The following CRYBA4 variants were observed in gnomAD, a reference collection of about 807,000 sequenced individuals.
CRYBA4 encodes the protein crystallin beta A4.
In CRYBA4, 30 loss-of-function variants were observed where a neutral mutation model predicts 31.7. That is an observed-to-expected ratio of 0.95 (90% CI 0.71 to 1.28). The LOEUF (loss-of-function observed/expected upper bound fraction) is 1.28, where lower values mean the gene tolerates loss of function less well. Among genes scored for constraint, CRYBA4 ranks in the 50% most tolerant of loss-of-function variants. CRYBA4 has a pLI of 0.00. For missense variants in CRYBA4, 225 were observed against 260.7 expected (o/e 0.86, Z 0.94); for synonymous variants, 102 against 102.3 (o/e 1.00, Z 0.02).
At chr22:26,599,639 A>G in the CRYBA4 span, 1 of 1,614,140 alleles carries the variant, frequency 6.2e-7, no homozygotes, top group Non-Finnish European at 8.5e-7. Context: ...AGGTACTGGT[A>G]CCCGCGGTAG....
chr22:26,598,008 A>C, the CRYBA4 span, among the ~76,000 whole-genome samples: 1 of 151,672 alleles, frequency 6.6e-6, no homozygotes, highest in Non-Finnish European at 1.5e-5. Flanking sequence ...TCAGCCTCCC[A>C]AGTAGCTGGG....
chr22:26,590,891 T>G, the CRYBA4 span, among the ~76,000 whole-genome samples: 3 of 152,212 alleles, frequency 2.0e-5, no homozygotes, highest in Non-Finnish European at 4.4e-5. Context: ...TCTATAACCT[T>G]TCAGTGCTTC....
intron 2 of CRYBA4, 28 bp from the exon 3 acceptor site, chr22:26,623,206 T>A (rs1929590699): frequency 6.3e-7 from 1 of 1,581,858 alleles, no homozygotes; most frequent in Non-Finnish European, 8.7e-7. Context: ...CTGATGCGGA[T>A]CTCCACCTTT....
chr22:26,627,628 C>T (rs1929790848), intron 4 of CRYBA4, among the ~76,000 whole-genome samples: 1 of 134,064 alleles, frequency 7.5e-6, no homozygotes, highest in Admixed American at 7.7e-5. Flanking sequence ...CTCCTTCCTT[C>T]CTTCCTTCTC....
At chr22:26,604,929 C>A in the CRYBA4 span, among the ~76,000 whole-genome samples, 1 of 152,148 alleles carries the variant, frequency 6.6e-6, no homozygotes, top group Non-Finnish European at 1.5e-5. Context: ...CCTACAAGAC[C>A]CTGGTCTCCA....
chr22:26,600,499 T>C, the CRYBA4 span, among the ~76,000 whole-genome samples: 1 of 152,228 alleles, frequency 6.6e-6, no homozygotes, highest in African/African-American at 2.4e-5. Flanking sequence ...GTTCAAATCC[T>C]AGCTCTGCCA....
At chr22:26,599,418 G>T in the CRYBA4 span, 2 of 1,506,732 alleles carry the variant, frequency 1.3e-6, no homozygotes, top group Non-Finnish European at 1.8e-6. Context: ...AATTTTATTT[G>T]CCTGGGAAAA....
At chr22:26,616,344 A>G in the CRYBA4 span, 2 of 1,606,096 alleles carry the variant, frequency 1.2e-6, no homozygotes, top group Non-Finnish European at 8.5e-7. Flanking sequence ...AAAGTCTGTA[A>G]AGAAACTCTG....
the CRYBA4 span, among the ~76,000 whole-genome samples, chr22:26,595,593 A>G: frequency 6.6e-6 from 1 of 152,096 alleles, no homozygotes; most frequent in Non-Finnish European, 1.5e-5. Context: ...AAAAAAAAAA[A>G]AAATGCCTGT....
chr22:26,622,651 G>A lies in CRYBA4; in HGVS notation c.39+16G>A, dbSNP rs367795562. 6.2e-7 allele frequency: 1 copy of A among 1,601,596 alleles called. No homozygotes were observed. The highest frequency in any genetic ancestry group is 8.6e-7 in the Non-Finnish European group (1 of 1,168,714). On this transcript the variant is annotated intron_variant, in intron 2 of 5. Coordinates refer to ENST00000354760, the MANE Select transcript of CRYBA4 (RefSeq NM_001886.3). ...ACCCTGGAAGGTAGGAAGAGGCATG[G>A]GGAGGGGGTGTTCAGGGGGTATGGG...
At chr22:26,618,026 A>G (rs1357213421), upstream of CRYBA4, 1 of 153,234 alleles carries the variant, frequency 6.5e-6, no homozygotes, top group Non-Finnish European at 1.5e-5. Context: ...GGCAGGTGCT[A>G]TGGGTGACTA....
upstream of CRYBA4, among the ~76,000 whole-genome samples, chr22:26,619,991 T>C (rs1470102389): frequency 3.5e-5 from 5 of 143,016 alleles, no homozygotes; most frequent in Non-Finnish European, 7.5e-5. Flanking sequence ...TTTTCTTTTC[T>C]TTTTTTCTTT....
chr22:26,613,620 T>C, the CRYBA4 span, among the ~76,000 whole-genome samples: 1 of 152,374 alleles, frequency 6.6e-6, no homozygotes, highest in East Asian at 1.9e-4. Flanking sequence ...GTCTTTACTT[T>C]AATCTCTTAA....
At position 26,622,623 on chromosome 22, in the gene CRYBA4, G is replaced by A. The variant is rs773497792; in HGVS notation, c.27G>A (p.Ala9=). 3.0e-5 allele frequency: 48 copies of A among 1,613,248 alleles called. No individual in the cohort carries two copies. The highest frequency in any genetic ancestry group is 8.3e-5 in the Admixed American group (5 of 59,996). The part of the protein sequence containing the change: MTLQCTKS[A]GPWKMVVWDE... ...TGACCCTGCAATGCACAAAGTCAGCGGGACCCTGGAAGGTAGGAAGAGGCA... is the reference window on the plus strand; with the variant it reads ...TGACCCTGCAATGCACAAAGTCAGCAGGACCCTGGAAGGTAGGAAGAGGCA... The change falls in exon 2 of 6, where the codon GCG becomes GCA. Residue 9 remains alanine (A), a synonymous_variant. Transcript: ENST00000354760.
At chr22:26,605,271 A>T in the CRYBA4 span, among the ~76,000 whole-genome samples, 4 of 152,200 alleles carry the variant, frequency 2.6e-5, no homozygotes, top group Non-Finnish European at 5.9e-5. Context: ...TTTTATGATT[A>T]GCTTTTTGAT....
upstream of CRYBA4, chr22:26,617,913 C>G (rs1396682954): frequency 6.5e-6 from 1 of 153,556 alleles, no homozygotes; most frequent in Non-Finnish European, 1.5e-5. Context: ...GCCTCCCTCT[C>G]TCTGTCTCCC....
the CRYBA4 span, chr22:26,611,972 C>T: frequency 7.0e-6 from 6 of 859,728 alleles, no homozygotes; most frequent in South Asian, 1.3e-5. Context: ...GGAGTACGAA[C>T]GGCCGCAGGC....
chr22:26,590,911 A>T, the CRYBA4 span, among the ~76,000 whole-genome samples: 21,918 of 152,220 alleles, frequency 0.14, 2,106 homozygotes, highest in South Asian at 0.31. Context: ...CTGCTTCTTC[A>T]TGTGTAAAAT....
the CRYBA4 span, among the ~76,000 whole-genome samples, chr22:26,602,797 T>A: frequency 6.6e-6 from 1 of 151,948 alleles, no homozygotes; most frequent in Non-Finnish European, 1.5e-5. Context: ...AGGTGAAACG[T>A]GGAACATTGG....
Sources: allele counts gnomAD v4.1 joint callset (sites outside exome capture counted in the v4.1 genomes callset), GRCh38; gene constraint gnomAD v4.1.1; transcripts MANE v1.5; gene names NCBI Gene and HGNC (gene_info 2026-07-23, HGNC 2026-07-21).